CRBN: variants seen among roughly 807,000 people sequenced by gnomAD.
The protein encoded by CRBN is protein cereblon.
CRBN carries 53 observed loss-of-function variants against 62.2 expected under a neutral mutation model. The ratio of observed to expected loss-of-function variants is 0.85; its 90% CI spans 0.68 to 1.07. The LOEUF is 1.07. Among genes scored for constraint, CRBN ranks in the 50% least tolerant of loss-of-function variants. CRBN has a pLI of 0.00. For missense variants in CRBN, 616 were observed against 531.1 expected, an observed-to-expected ratio of 1.16 and a Z score of -1.57; for synonymous variants, 208 against 176.1, an observed-to-expected ratio of 1.18 and a Z score of -1.43.
Position 3,174,382 on chromosome 3 carries a change from T to C in CRBN, c.175-121A>G, listed in dbSNP as rs1432111549. On this transcript the variant is annotated intron_variant, in intron 2 of 10. Transcript: ENST00000231948. ...CAGGCCGGGCACAGTGGCTCACACC[T>C]GTAATTCCAGCACTTTGGGAGGCCG... The C allele has an allele frequency of 9.7e-6, 8 of 823,524 alleles. No individual in the cohort carries two copies. In the East Asian group the frequency reaches 1.1e-4, roughly 11 times the overall value. The allele number at this position is 823,524 out of a possible 1,614,324, so 51.0% of individuals were successfully genotyped here. A position where few individuals can be genotyped will look rare whatever the true frequency, so the allele number is the denominator to read the frequency against.
rs1158212718 is a variant in CRBN at position 3,154,694 on chromosome 3, A to AT, written c.835+52dup. ...ATTGGATCGCATCCATGAAAAAGCT[A>AT]TTTTTTATAGCAAGACATCCCAGGC... On this transcript the variant is annotated intron_variant, in intron 7 of 10. Coordinates refer to ENST00000231948, the MANE Select transcript of CRBN (RefSeq NM_016302.4). 8 of 992,330 alleles carry AT rather than the reference A, an allele frequency of 8.1e-6. 1 individual carries two copies. In the East Asian group the frequency reaches 9.5e-5, roughly 12 times the overall value. 61.5% of individuals were successfully genotyped at this position (992,330 alleles called of 1,614,324 possible).
At chr3:3,154,676 C>T (rs1359061898) in intron 7 of CRBN, 71 bp downstream of exon 7, 4 of 811,638 alleles carry the variant, frequency 4.9e-6, no homozygotes, top group African/African-American at 1.7e-5. Context: ...ATGATTGGAT[C>T]GCATCCATGA....
chr3:3,159,018 T>C lies in CRBN; in HGVS notation c.688-2737A>G, dbSNP rs529703160. On this transcript the variant is annotated intron_variant, in intron 5 of 10. Coordinates refer to ENST00000231948, the MANE Select transcript of CRBN (RefSeq NM_016302.4). ...ATTAAGACGGTTTTGACCCTTTTGC[T>C]TGGCACTTCTTCCTGCCATCATGTG... 1.4e-4 allele frequency among the ~76,000 whole-genome samples: 22 copies of C among 152,312 alleles called. No individual in the cohort carries two copies. The South Asian group carries it at 3.9e-3, about 27-fold the overall frequency.
Position 3,175,443 on chromosome 3 carries a change from TA to T in CRBN, c.68-175del, listed in dbSNP as rs1057336023. Among the ~76,000 whole-genome samples, 9 of 27,322 alleles carry T rather than the reference TA, an allele frequency of 3.3e-4. 1 individual carries two copies. Among genetic ancestry groups the T allele is most frequent in the East Asian group, 0.036 (1 of 28 alleles). 17.9% of individuals were successfully genotyped at this position (27,322 alleles called of 152,430 possible). A position where few individuals can be genotyped will look rare whatever the true frequency, so the allele number is the denominator to read the frequency against. On this transcript the variant is annotated intron_variant, in intron 1 of 10. Transcript: ENST00000231948. Reference sequence around the variant, plus strand: ...GTCCGTGCTGGGCTCTGTCAGTAGCTATTTTTTTTTTTTAAGTCAACTGTGA... The same window carrying T: ...GTCCGTGCTGGGCTCTGTCAGTAGCTTTTTTTTTTTTTAAGTCAACTGTGA...
chr3:3,153,115 C>T (rs1160128122), intron 9 of CRBN: 1 of 330,936 alleles, frequency 3.0e-6, no homozygotes, highest in Non-Finnish European at 5.7e-6. Context: ...ATTTCTGAAG[C>T]ATCTATGTTA....
chr3:3,170,650 C>T (rs1707569540), intron 4 of CRBN, among the ~76,000 whole-genome samples: 1 of 152,118 alleles, frequency 6.6e-6, no homozygotes, highest in Non-Finnish European at 1.5e-5. Context: ...GGTTACAGGG[C>T]CAGAGAAGTA....
chr3:3,170,908 C>T (rs988882000), intron 4 of CRBN, among the ~76,000 whole-genome samples: 3 of 152,184 alleles, frequency 2.0e-5, no homozygotes, highest in Admixed American at 6.5e-5. Flanking sequence ...CGGGTTCAAG[C>T]GATTCTCCTG....
chr3:3,154,683 A>C, intron 7 of CRBN, 64 bp downstream of exon 7: 1 of 867,212 alleles, frequency 1.2e-6, no homozygotes, highest in South Asian at 1.3e-5. Context: ...GATCGCATCC[A>C]TGAAAAAGCT....
intron 2 of CRBN, 150 bp downstream of exon 2, chr3:3,175,013 G>A (rs1168648023): frequency 5.3e-6 from 2 of 380,208 alleles, no homozygotes; most frequent in East Asian, 3.2e-5. Context: ...AAAAATTACA[G>A]TTAAATGTTT....
In CRBN at chr3:3,167,787, C is replaced by A. The variant is rs1424027455; in HGVS notation, c.534G>T (p.Gln178His). Residue 178 changes from glutamine (Q) to histidine (H), a missense_variant, in exon 5 of 11, where the codon CAG becomes CAT. By Grantham distance (24) the Gln-to-His change is conservative (BLOSUM62 0). Transcript: ENST00000231948. ...LELRTQSDGI[Q>H]QAKVQILPEC... ...CGGGAAGAATTTGCACTTTAGCTTG[C>A]TGGATTCTAAAATAAAGAGAACCAA... 5 of 1,613,170 alleles carry A rather than the reference C, an allele frequency of 3.1e-6. No individual in the cohort carries two copies. Among genetic ancestry groups the A allele is most frequent in the Non-Finnish European group, 4.2e-6 (5 of 1,179,412 alleles).
chr3:3,152,459 G>C lies in CRBN; in HGVS notation c.1145C>G (p.Pro382Arg), dbSNP rs146272907. ...GCAACCACCACCATAATATTACCCA[G>C]GAAACCAGCTGTGTTCTGTAGAAGG... ...GRPSTEHSWFPGYAWTVAQCK... is the reference protein window; with the variant it reads ...GRPSTEHSWFRGYAWTVAQCK... Residue 382 changes from proline (P) to arginine (R), a missense_variant, in exon 10 of 11, where the codon CCT (proline) becomes CGT (arginine). Pro to Arg is a moderately radical substitution (Grantham distance 103). Coordinates refer to ENST00000231948, the MANE Select transcript of CRBN (RefSeq NM_016302.4). 1 of 1,612,718 alleles carries C rather than the reference G, an allele frequency of 6.2e-7. No homozygotes were observed. Among genetic ancestry groups the C allele is most frequent in the Non-Finnish European group, 8.5e-7 (1 of 1,179,702 alleles).
Position 3,162,754 on chromosome 3 carries a change from A to AC in CRBN, c.687+4879_687+4880insG, listed in dbSNP as rs144689161. ...CAACCTTATTAGCTTGAGTTAGCTT[A>AC]GTTATGTAAGCATCTCCCAACTCTG... On this transcript the variant is annotated intron_variant, in intron 5 of 10. Transcript: ENST00000231948. 7.0e-4 allele frequency among the ~76,000 whole-genome samples: 107 copies of AC among 152,350 alleles called. No individual in the cohort carries two copies. The East Asian group carries it at 0.019, about 27-fold the overall frequency.
At chr3:3,167,981 A>G (rs1341315468) in intron 4 of CRBN, among the ~76,000 whole-genome samples, 188 bp from the exon 5 acceptor site, 2 of 152,068 alleles carry the variant, frequency 1.3e-5, no homozygotes, top group East Asian at 3.9e-4. Context: ...AAATCATACC[A>G]AAGTTAAAAC....
At position 3,174,234 on chromosome 3, in the gene CRBN, G is replaced by T; in HGVS notation, c.202C>A (p.His68Asn). The T allele has an allele frequency of 6.2e-7, 1 of 1,614,052 alleles. No homozygotes were observed. The highest frequency in any genetic ancestry group is 8.5e-7 in the Non-Finnish European group (1 of 1,179,930). Reference protein sequence around the residue: ...TYLGADMEEFHGRTLHDDDSC... With the variant: ...TYLGADMEEFNGRTLHDDDSC... ...TCGTCATCGTGCAAAGTCCTGCCAT[G>T]AAATTCTTCCATATCAGCACCTAGG... The change falls in exon 3 of 11, where the codon CAT (histidine) becomes AAT (asparagine). Residue 68 changes from histidine (H) to asparagine (N), a missense_variant. Transcript: ENST00000231948.
Position 3,153,950 on chromosome 3 carries a change from C to T in CRBN, c.951+10G>A. 3 of 1,530,440 alleles carry T rather than the reference C, an allele frequency of 2.0e-6. No homozygotes were observed. In the South Asian group the frequency reaches 3.4e-5, roughly 17 times the overall value. 94.8% of individuals were successfully genotyped at this position (1,530,440 alleles called of 1,614,324 possible). On this transcript the variant is annotated intron_variant, in intron 8 of 10. Transcript: ENST00000231948. ...AACATGGGCATCAAAAACATATTCA[C>T]TTTACTCACTTTATTCATAATGTCT...
Position 3,153,488 on chromosome 3 carries a change from A to G in CRBN, c.952T>C (p.Cys318Arg). 1 of 1,561,516 alleles carries G rather than the reference A, an allele frequency of 6.4e-7. No individual in the cohort carries two copies. The highest frequency in any genetic ancestry group is 2.2e-5 in the East Asian group (1 of 44,522). The part of the protein sequence containing the change: ...LRCELDIMNK[C>R]TSLCCKQCQE... The stretch of plus-strand genomic sequence containing the variant: ...CATTGTTTACAGCAAAGGGAAGTAC[A>G]CTAAAAGATTTGAGAGAAAAATTAT... The change falls in exon 9 of 11, where the codon TGT becomes CGT. Residue 318 changes from cysteine to arginine, a missense_variant and splice_region_variant. Cys to Arg is a radical substitution (Grantham distance 180, BLOSUM62 -3). Transcript: ENST00000231948.
intron 5 of CRBN, chr3:3,156,806 A>C (rs1447797975): frequency 1.3e-5 from 2 of 155,772 alleles, no homozygotes. Flanking sequence ...ACTCAAGGAG[A>C]GGGGAAACCG....
chr3:3,159,692 A>G (rs1185643519), intron 5 of CRBN, among the ~76,000 whole-genome samples: 2 of 152,168 alleles, frequency 1.3e-5, no homozygotes, highest in African/African-American at 4.8e-5. Context: ...AAATATGCAT[A>G]ATACATCCTT....
intron 6 of CRBN, chr3:3,155,144 T>C (rs1706828157): frequency 2.6e-6 from 1 of 387,112 alleles, no homozygotes; most frequent in Non-Finnish European, 4.7e-6. Context: ...TATTAGGCCA[T>C]TTCTGACCCA....
Sources: gnomAD v4.1 joint callset for allele counts (sites outside exome capture counted in the v4.1 genomes callset) on GRCh38, gnomAD v4.1.1 for gene constraint, MANE v1.5 for transcripts, NCBI Gene and HGNC (gene_info 2026-07-23, HGNC 2026-07-21) for gene names.